SIL1: variants seen among roughly 807,000 people sequenced by gnomAD.
The protein encoded by SIL1 is nucleotide exchange factor SIL1.
Under a neutral mutation model 49.1 loss-of-function variants are expected in SIL1, and 40 were observed. The ratio of observed to expected loss-of-function variants is 0.81; its 90% CI spans 0.63 to 1.06. The LOEUF is 1.06. Ranked by LOEUF, SIL1 falls within the 50% of genes least tolerant of loss-of-function variation. The pLI, the probability that SIL1 is intolerant of heterozygous loss-of-function variation, is 0.00. For missense variants in SIL1, 500 were observed against 572.6 expected (o/e 0.87, Z 1.29); for synonymous variants, 253 against 250.8 (o/e 1.01, Z -0.08).
chr5:139,043,752 T>C (rs925156358), intron 4 of SIL1, among the ~76,000 whole-genome samples: 14 of 152,204 alleles, frequency 9.2e-5, no homozygotes, highest in African/African-American at 3.1e-4. Context: ...ATCCATCATG[T>C]GGGAGCAAGG....
chr5:139,106,357 C>T (rs1255442021), intron 3 of SIL1, among the ~76,000 whole-genome samples: 1 of 152,170 alleles, frequency 6.6e-6, no homozygotes, highest in Non-Finnish European at 1.5e-5. Flanking sequence ...TAGTCTTATG[C>T]CTAAAATAAC....
chr5:139,189,038 A>G (rs539934870), intron 1 of SIL1, among the ~76,000 whole-genome samples: 1 of 152,344 alleles, frequency 6.6e-6, no homozygotes, highest in African/African-American at 2.4e-5. Flanking sequence ...AACTAAGACA[A>G]CAATGAGGTG....
At chr5:138,962,707 C>T (rs2288824) in intron 7 of SIL1, among the ~76,000 whole-genome samples, 48,325 of 152,060 alleles carry the variant, frequency 0.32, 7,769 homozygotes, top group Middle Eastern at 0.36. Flanking sequence ...TGTTGGGGGA[C>T]AAAGAAGACC....
chr5:139,119,258 C>T (rs930971424), intron 3 of SIL1, among the ~76,000 whole-genome samples: 2 of 152,204 alleles, frequency 1.3e-5, no homozygotes, highest in African/African-American at 4.8e-5. Flanking sequence ...CAGAGAGGGG[C>T]TCTTTTTAGC....
chr5:139,113,084 G>T (rs1446021245), intron 3 of SIL1, among the ~76,000 whole-genome samples: 1 of 152,048 alleles, frequency 6.6e-6, no homozygotes, highest in African/African-American at 2.4e-5. Context: ...TTGTTAAACA[G>T]ATGCTTGAAG....
At chr5:139,167,636 A>C in intron 1 of SIL1, among the ~76,000 whole-genome samples, 1 of 152,244 alleles carries the variant, frequency 6.6e-6, no homozygotes, top group East Asian at 1.9e-4. Flanking sequence ...AAAATATTAC[A>C]GTAAGCTACA....
chr5:138,979,277 C>A (rs760435786), intron 7 of SIL1, among the ~76,000 whole-genome samples: 10 of 152,200 alleles, frequency 6.6e-5, no homozygotes, highest in South Asian at 2.1e-4. Flanking sequence ...GTTGGCCAGG[C>A]TGGTCTCGAT....
chr5:138,960,751 G>A (rs901444763), intron 7 of SIL1, among the ~76,000 whole-genome samples: 3 of 152,224 alleles, frequency 2.0e-5, no homozygotes, highest in South Asian at 2.1e-4. Flanking sequence ...CACGGCACTC[G>A]GCCTCAAATC....
At chr5:139,064,365 T>A (rs1467933144) in intron 3 of SIL1, among the ~76,000 whole-genome samples, 1 of 152,144 alleles carries the variant, frequency 6.6e-6, no homozygotes, top group Admixed American at 6.5e-5. Flanking sequence ...TGGGGTGGTG[T>A]GTGCAGGGAT....
chr5:139,169,959 C>T (rs1240114498), intron 1 of SIL1, among the ~76,000 whole-genome samples: 1 of 152,004 alleles, frequency 6.6e-6, no homozygotes, highest in Non-Finnish European at 1.5e-5. Context: ...CTCACTGCAG[C>T]CTCCCTGCCT....
chr5:139,160,813 G>A (rs1224999004), intron 1 of SIL1, among the ~76,000 whole-genome samples: 8 of 151,318 alleles, frequency 5.3e-5, no homozygotes, highest in Admixed American at 4.0e-4. Flanking sequence ...CTGGGAAACA[G>A]AGCAAGACTC....
chr5:139,103,603 A>T (rs560069886), intron 3 of SIL1, among the ~76,000 whole-genome samples: 1 of 152,324 alleles, frequency 6.6e-6, no homozygotes, highest in East Asian at 1.9e-4. Context: ...GGCACAGTGG[A>T]CCCTGCTCAT....
At chr5:138,983,423 G>A (rs539739832) in intron 7 of SIL1, among the ~76,000 whole-genome samples, 4 of 151,218 alleles carry the variant, frequency 2.6e-5, no homozygotes, top group African/African-American at 9.7e-5. Context: ...CAGGAGAATG[G>A]CGTGAACCCG....
chr5:139,065,667 C>T (rs892537134), intron 3 of SIL1, among the ~76,000 whole-genome samples: 2 of 152,210 alleles, frequency 1.3e-5, no homozygotes, highest in Non-Finnish European at 2.9e-5. Flanking sequence ...GCCTGCCTCA[C>T]ACCTCCACCC....
intron 1 of SIL1, among the ~76,000 whole-genome samples, chr5:139,143,632 A>G (rs1459808359): frequency 1.3e-5 from 2 of 152,032 alleles, no homozygotes; most frequent in Non-Finnish European, 2.9e-5. Flanking sequence ...TTAGCCTCCC[A>G]AAGCTCTGGG....
intron 7 of SIL1, among the ~76,000 whole-genome samples, chr5:139,018,589 TCAA>T (rs1768450060): frequency 3.3e-5 from 1 of 30,588 alleles, no homozygotes; most frequent in African/African-American, 2.1e-4. Flanking sequence ...AGACCCTGAC[TCAA>T]AAAAAAAAAA....
At chr5:139,068,406 G>A (rs766347931) in intron 3 of SIL1, among the ~76,000 whole-genome samples, 1 of 152,162 alleles carries the variant, frequency 6.6e-6, no homozygotes, top group Non-Finnish European at 1.5e-5. Flanking sequence ...CAGCTGTCTA[G>A]TCCCCTGAAC....
intron 5 of SIL1, among the ~76,000 whole-genome samples, chr5:139,029,618 C>T (rs2150435463): frequency 6.6e-6 from 1 of 151,908 alleles, no homozygotes; most frequent in African/African-American, 2.4e-5. Flanking sequence ...CCTTCCACCC[C>T]AGCGTGAGTA....
intron 7 of SIL1, among the ~76,000 whole-genome samples, chr5:138,993,171 C>A (rs539569923): frequency 2.0e-4 from 30 of 152,264 alleles, no homozygotes; most frequent in Non-Finnish European, 4.4e-4. Context: ...TCTGGGATCC[C>A]CTTAAGAGAT....
Sources: gnomAD v4.1 joint callset for allele counts (sites outside exome capture counted in the v4.1 genomes callset) on GRCh38, gnomAD v4.1.1 for gene constraint, MANE v1.5 for transcripts, NCBI Gene and HGNC (gene_info 2026-07-23, HGNC 2026-07-21) for gene names.